USH2A: variants seen among roughly 807,000 people sequenced by gnomAD.
The protein encoded by USH2A is usherin, also known as Usher syndrome 2A (autosomal recessive, mild).
Under a neutral mutation model 538.9 loss-of-function variants are expected in USH2A, and 443 were observed. That is an observed-to-expected ratio of 0.82 (90% CI 0.76 to 0.89). USH2A has a LOEUF of 0.89. Ranked by LOEUF, USH2A falls within the 40% of genes least tolerant of loss-of-function variation. USH2A has a pLI of 0.00. For missense variants in USH2A, 6,633 were observed against 6,324.8 expected (o/e 1.05, Z -1.65); for synonymous variants, 2,413 against 2,273.5 (o/e 1.06, Z -1.75).
At chr1:216,416,825 A>ATT (rs5780882) in intron 3 of USH2A, among the ~76,000 whole-genome samples, 1 of 151,918 alleles carries the variant, frequency 6.6e-6, no homozygotes, top group African/African-American at 2.4e-5. Flanking sequence ...AGTAAAGATA[A>ATT]TTTTTTTGTC....
At chr1:216,155,920 C>T (rs1327757189) in intron 21 of USH2A, among the ~76,000 whole-genome samples, 1 of 152,032 alleles carries the variant, frequency 6.6e-6, no homozygotes, top group Non-Finnish European at 1.5e-5. Context: ...AATAAAATTG[C>T]AACTTTTAGT....
chr1:216,211,379 T>C (rs115767746), intron 15 of USH2A, among the ~76,000 whole-genome samples: 3,053 of 152,244 alleles, frequency 0.02, 40 homozygotes, highest in Non-Finnish European at 0.029. Flanking sequence ...TCCAGGTATA[T>C]AGCGCAAGAG....
intron 49 of USH2A, among the ~76,000 whole-genome samples, chr1:215,810,707 C>T (rs1352895716): frequency 6.6e-6 from 1 of 152,060 alleles, no homozygotes; most frequent in East Asian, 1.9e-4. Context: ...CATGAAAACT[C>T]CCCAAATTTA....
chr1:215,713,927 C>G (rs1659409997), intron 61 of USH2A, among the ~76,000 whole-genome samples: 1 of 152,188 alleles, frequency 6.6e-6, no homozygotes, highest in South Asian at 2.1e-4. Flanking sequence ...AACTCTGCAG[C>G]TAGCTGTGTG....
chr1:215,990,249 C>A (rs1367482546), intron 35 of USH2A, among the ~76,000 whole-genome samples: 1 of 151,334 alleles, frequency 6.6e-6, no homozygotes, highest in African/African-American at 2.4e-5. Flanking sequence ...AAAAGAGAAA[C>A]CCAGCCTCAG....
intron 69 of USH2A, among the ~76,000 whole-genome samples, chr1:215,636,052 A>C (rs993117607): frequency 6.6e-6 from 1 of 152,140 alleles, no homozygotes; most frequent in African/African-American, 2.4e-5. Context: ...GATCTGATGC[A>C]GCGGCCACAC....
intron 11 of USH2A, among the ~76,000 whole-genome samples, chr1:216,281,047 A>AT (rs1480402977): frequency 6.6e-6 from 1 of 152,304 alleles, no homozygotes; most frequent in African/African-American, 2.4e-5. Flanking sequence ...GTCTGGAAAC[A>AT]TTTTTTGAAA....
intron 16 of USH2A, among the ~76,000 whole-genome samples, chr1:216,206,099 A>T (rs1027129152): frequency 6.6e-6 from 1 of 152,182 alleles, no homozygotes; most frequent in Non-Finnish European, 1.5e-5. Context: ...TTAGTACTCC[A>T]CTGCCAGATT....
At chr1:215,696,033 C>T (rs1220944691) in intron 61 of USH2A, among the ~76,000 whole-genome samples, 3 of 151,926 alleles carry the variant, frequency 2.0e-5, no homozygotes, top group African/African-American at 7.3e-5. Flanking sequence ...ACAGGCATGA[C>T]CCACTGTGCC....
rs762148018 is a variant in USH2A, at chr1:215,993,045, G to C, written c.6780C>G (p.Ser2260=). The C allele has an allele frequency of 6.2e-6, 10 of 1,614,012 alleles. No homozygotes were observed. Among genetic ancestry groups the C allele is most frequent in the Non-Finnish European group, 1.7e-6 (2 of 1,179,990 alleles). The change falls in exon 35 of 72, where the codon TCC becomes TCG. Residue 2260 remains serine, a synonymous_variant. Transcript: ENST00000307340. ...CATTCGGATATTCAGGCTCAGTCCAGGAGACATTAAAGGAGTCAGGTGAAT... is the reference window on the plus strand; with the variant it reads ...CATTCGGATATTCAGGCTCAGTCCACGAGACATTAAAGGAGTCAGGTGAAT... The part of the protein sequence containing the change: ...HSYSPDSFNV[S]WTEPEYPNGV...
chr1:216,319,075 C>A (rs998811871), intron 9 of USH2A, among the ~76,000 whole-genome samples: 4 of 152,118 alleles, frequency 2.6e-5, no homozygotes, highest in African/African-American at 4.8e-5. Flanking sequence ...AAGGTATTAG[C>A]CAAACTGTAG....
intron 43 of USH2A, among the ~76,000 whole-genome samples, chr1:215,869,684 C>G (rs948911414): frequency 6.6e-6 from 1 of 152,202 alleles, no homozygotes; most frequent in African/African-American, 2.4e-5. Flanking sequence ...CTAGCCTCCT[C>G]TCCTATAATA....
chr1:215,957,667 T>C (rs1027327082), intron 37 of USH2A, among the ~76,000 whole-genome samples: 2 of 152,180 alleles, frequency 1.3e-5, no homozygotes, highest in Non-Finnish European at 2.9e-5. Flanking sequence ...AGCTGCGTGG[T>C]GGACGTTATG....
intron 3 of USH2A, among the ~76,000 whole-genome samples, chr1:216,366,033 A>T (rs1371127517): frequency 2.0e-5 from 3 of 152,126 alleles, no homozygotes; most frequent in Non-Finnish European, 4.4e-5. Context: ...AATTGCATAC[A>T]CTTCTAAATA....
At chr1:215,760,084 T>G (rs946882632) in intron 56 of USH2A, among the ~76,000 whole-genome samples, 1 of 152,222 alleles carries the variant, frequency 6.6e-6, no homozygotes, top group Non-Finnish European at 1.5e-5. Context: ...TTCTCTGCCT[T>G]GGTTGTCACT....
chr1:216,227,267 T>C (rs2035580813), intron 14 of USH2A, among the ~76,000 whole-genome samples: 1 of 152,182 alleles, frequency 6.6e-6, no homozygotes, highest in Non-Finnish European at 1.5e-5. Context: ...GAATAAAGAA[T>C]GAATGAGAAA....
intron 3 of USH2A, among the ~76,000 whole-genome samples, chr1:216,389,785 C>T (rs540272717): frequency 6.6e-6 from 1 of 152,240 alleles, no homozygotes; most frequent in South Asian, 2.1e-4. Flanking sequence ...AATCTTGCCT[C>T]AAACACATTT....
chr1:216,228,620 A>G (rs998467084), intron 14 of USH2A, among the ~76,000 whole-genome samples: 32 of 152,088 alleles, frequency 2.1e-4, no homozygotes, highest in African/African-American at 7.5e-4. Context: ...CGTGTCTTTC[A>G]CCTTCCACTG....
intron 43 of USH2A, among the ~76,000 whole-genome samples, chr1:215,874,226 C>T (rs1395258216): frequency 6.6e-6 from 1 of 152,060 alleles, no homozygotes; most frequent in African/African-American, 2.4e-5. Flanking sequence ...AGTTATAGTT[C>T]CCCCAACAAC....
Sources: gnomAD v4.1 joint callset for allele counts (sites outside exome capture counted in the v4.1 genomes callset) on GRCh38, gnomAD v4.1.1 for gene constraint, MANE v1.5 for transcripts, NCBI Gene and HGNC (gene_info 2026-07-23, HGNC 2026-07-21) for gene names.